Variants in PLXNA4 observed in about 807,000 individuals in gnomAD.
PLXNA4 encodes plexin A4.
In PLXNA4, 44 loss-of-function variants were observed where a neutral mutation model predicts 191.8. The ratio of observed to expected loss-of-function variants is 0.23; its 90% confidence interval spans 0.18 to 0.29. PLXNA4 has a LOEUF of 0.29. Ranked by LOEUF, PLXNA4 falls within the 10% of genes least tolerant of loss-of-function variation. The pLI is 1.00. For synonymous variants in PLXNA4, 1,082 were observed against 1,009.5 expected, an observed-to-expected ratio of 1.07 and a Z score of -1.36; for missense variants, 1,800 against 2,488.8, an observed-to-expected ratio of 0.72 and a Z score of 5.89.
chr7:132,288,154 T>G (rs1800753092), intron 4 of PLXNA4, among the ~76,000 whole-genome samples: 1 of 152,212 alleles, frequency 6.6e-6, no homozygotes. Flanking sequence ...TGCTGGTGAC[T>G]CTGGATGACC....
intron 3 of PLXNA4, among the ~76,000 whole-genome samples, chr7:132,385,975 A>G (rs948894243): frequency 6.6e-6 from 1 of 152,226 alleles, no homozygotes; most frequent in South Asian, 2.1e-4. Flanking sequence ...CATTCAACAC[A>G]TGGTTATTCA....
chr7:132,461,004 A>C (rs1796483318), intron 3 of PLXNA4, among the ~76,000 whole-genome samples: 1 of 152,208 alleles, frequency 6.6e-6, no homozygotes, highest in African/African-American at 2.4e-5. Flanking sequence ...TATGAGATAG[A>C]TTTACCAAAA....
intron 3 of PLXNA4, among the ~76,000 whole-genome samples, chr7:132,326,347 G>T (rs1185191751): frequency 6.6e-6 from 1 of 152,160 alleles, no homozygotes; most frequent in Non-Finnish European, 1.5e-5. Flanking sequence ...ACCTCTTTAT[G>T]TATGTAAATA....
intron 25 of PLXNA4, among the ~76,000 whole-genome samples, chr7:132,151,369 GA>G (rs1795611038): frequency 2.4e-5 from 2 of 83,580 alleles, no homozygotes; most frequent in African/African-American, 4.7e-5. Context: ...AGGAGGAGGA[GA>G]AAGGAGGAGG....
intron 3 of PLXNA4, among the ~76,000 whole-genome samples, chr7:132,457,574 C>T (rs1416116536): frequency 3.3e-5 from 5 of 152,184 alleles, no homozygotes; most frequent in African/African-American, 7.2e-5. Context: ...AGATAATAGT[C>T]CTCAAAGACA....
intron 1 of PLXNA4, among the ~76,000 whole-genome samples, chr7:132,563,170 T>C: frequency 5.0e-5 from 3 of 59,970 alleles, no homozygotes; most frequent in African/African-American, 5.4e-5. Context: ...CTCCTCCTTC[T>C]CCTCCTCCTT....
chr7:132,427,658 GGGCTTTGCACACCAGCAAGTCAT>G (rs1795099486), intron 3 of PLXNA4, among the ~76,000 whole-genome samples: 2 of 152,142 alleles, frequency 1.3e-5, no homozygotes, highest in Non-Finnish European at 2.9e-5. Context: ...CAGACCTGCT[GGGCTTTGCACACCAGCAAGTCAT>G]GGTCTGACTG....
At chr7:132,326,921 G>A (rs1034033119) in intron 3 of PLXNA4, among the ~76,000 whole-genome samples, 24 of 151,636 alleles carry the variant, frequency 1.6e-4, no homozygotes, top group African/African-American at 5.6e-4. Flanking sequence ...AAAGGAAGAG[G>A]GAGGGAGGGA....
At chr7:132,557,470 A>C (rs530940562) in intron 1 of PLXNA4, among the ~76,000 whole-genome samples, 2 of 152,022 alleles carry the variant, frequency 1.3e-5, no homozygotes, top group African/African-American at 4.8e-5. Context: ...GGACGTAAAG[A>C]TAGGCAATCA....
intron 1 of PLXNA4, among the ~76,000 whole-genome samples, chr7:132,647,406 C>T (rs1198128836): frequency 2.0e-5 from 3 of 152,108 alleles, no homozygotes; most frequent in African/African-American, 7.2e-5. Context: ...CTCAAGCACA[C>T]ACTGTCATAC....
chr7:132,509,479 G>A (rs964128522), intron 1 of PLXNA4, among the ~76,000 whole-genome samples: 3 of 152,154 alleles, frequency 2.0e-5, no homozygotes, highest in Non-Finnish European at 2.9e-5. Flanking sequence ...GTAGACCTCC[G>A]AAGTACATCC....
At chr7:132,144,620 A>G (rs1204311243) in intron 29 of PLXNA4, among the ~76,000 whole-genome samples, 1 of 152,136 alleles carries the variant, frequency 6.6e-6, no homozygotes, top group Non-Finnish European at 1.5e-5. Flanking sequence ...TCACTGTTAG[A>G]CATTGCCCTT....
intron 3 of PLXNA4, among the ~76,000 whole-genome samples, chr7:132,316,739 C>G (rs1004561236): frequency 4.6e-5 from 7 of 152,188 alleles, no homozygotes; most frequent in African/African-American, 1.7e-4. Context: ...AACTTCTGAA[C>G]CTGTTGTTCT....
intron 3 of PLXNA4, among the ~76,000 whole-genome samples, chr7:132,433,258 A>G (rs1795342890): frequency 6.6e-6 from 1 of 152,216 alleles, no homozygotes; most frequent in Admixed American, 6.5e-5. Flanking sequence ...ACCTTTTCCT[A>G]CAGCCACTGG....
intron 14 of PLXNA4, among the ~76,000 whole-genome samples, chr7:132,189,038 G>GAA (rs1562909181): frequency 5.3e-5 from 3 of 56,436 alleles, no homozygotes; most frequent in East Asian, 5.4e-4. Context: ...GAAAGAGAGA[G>GAA]AGAGAGAGAG....
intron 1 of PLXNA4, among the ~76,000 whole-genome samples, chr7:132,564,792 C>T (rs544956762): frequency 5.3e-5 from 8 of 152,098 alleles, no homozygotes; most frequent in Non-Finnish European, 5.9e-5. Context: ...CTTACGAATC[C>T]TTTTCTTTTT....
chr7:132,287,725 G>A (rs1261476605), intron 4 of PLXNA4, among the ~76,000 whole-genome samples: 1 of 152,160 alleles, frequency 6.6e-6, no homozygotes, highest in African/African-American at 2.4e-5. Context: ...AAAAAACAGT[G>A]GGGGTGGTGG....
chr7:132,365,258 T>G (rs1804105773), intron 3 of PLXNA4, among the ~76,000 whole-genome samples: 1 of 152,058 alleles, frequency 6.6e-6, no homozygotes, highest in Non-Finnish European at 1.5e-5. Context: ...AATGGTCCCT[T>G]GAGTACACTG....
At chr7:132,469,440 G>T (rs1452092736) in intron 3 of PLXNA4, among the ~76,000 whole-genome samples, 1 of 152,166 alleles carries the variant, frequency 6.6e-6, no homozygotes, top group Admixed American at 6.5e-5. Context: ...TGACTGATTG[G>T]AAGTCATTTC....
Sources: gnomAD v4.1 joint callset for allele counts (sites outside exome capture counted in the v4.1 genomes callset) on GRCh38, gnomAD v4.1.1 for gene constraint, MANE v1.5 for transcripts, NCBI Gene and HGNC (gene_info 2026-07-23, HGNC 2026-07-21) for gene names.